NOMO1: variants seen among roughly 807,000 people sequenced by gnomAD.
The protein encoded by NOMO1 is NODAL modulator 1.
A neutral mutation model predicts 133.8 loss-of-function variants in NOMO1; 40 were observed. That is an observed-to-expected ratio of 0.30 (90% CI 0.23 to 0.39). The LOEUF (loss-of-function observed/expected upper bound fraction) is 0.39, where lower values mean the gene tolerates loss of function less well. Ranked by LOEUF, NOMO1 falls within the 10% of genes least tolerant of loss-of-function variation. The pLI, the probability that NOMO1 is intolerant of heterozygous loss-of-function variation, is 1.00. For synonymous variants in NOMO1, 236 were observed against 570.5 expected (o/e 0.41, Z 8.36); for missense variants, 462 against 1,419.9 (o/e 0.33, Z 10.84).
chr16:14,891,707 C>A (rs1964407899), intron 29 of NOMO1, among the ~76,000 whole-genome samples: 1 of 151,634 alleles, frequency 6.6e-6, no homozygotes, highest in African/African-American at 2.4e-5. Flanking sequence ...ACAGGAATTA[C>A]CTTTCATTTA....
chr16:14,886,647 T>C, intron 27 of NOMO1, 114 bp from the exon 28 acceptor site: 1 of 1,561,124 alleles, frequency 6.4e-7, no homozygotes, highest in Non-Finnish European at 8.8e-7. Context: ...CTTTTTCAAA[T>C]ATCCATGTTT....
intron 22 of NOMO1, among the ~76,000 whole-genome samples, chr16:14,877,564 G>C (rs1186524674): frequency 3.3e-5 from 5 of 151,918 alleles, no homozygotes; most frequent in Admixed American, 2.6e-4. Context: ...TCCTAAGATT[G>C]GTAAGAAAAA....
intron 11 of NOMO1, among the ~76,000 whole-genome samples, chr16:14,858,589 G>C (rs1159719950): frequency 2.6e-5 from 4 of 151,962 alleles, no homozygotes; most frequent in Admixed American, 2.6e-4. Flanking sequence ...TGAGGTGGCT[G>C]CGGGTGTAAA....
At position 14,853,942 on chromosome 16, in the gene NOMO1, G is replaced by A. The variant is rs371412306; in HGVS notation, c.879G>A (p.Pro293=). The change falls in exon 9 of 31, where the codon CCG becomes CCA. Residue 293 remains proline, a synonymous_variant. Coordinates refer to ENST00000287667, the MANE Select transcript of NOMO1 (RefSeq NM_014287.4). ...SLPSGGYTVI[P]FYRGERITFD... ...TAACAGACTCTTCCTTCCAGATTCC[G>A]TTCTATCGAGGGGAGAGGATTACCT... The A allele has an allele frequency of 9.4e-5, 152 of 1,610,482 alleles. No homozygotes were observed. Among genetic ancestry groups the A allele is most frequent in the African/African-American group, 2.6e-4 (19 of 73,972 alleles).
chr16:14,885,000 A>T (rs1434229430), intron 27 of NOMO1, among the ~76,000 whole-genome samples: 1 of 152,032 alleles, frequency 6.6e-6, no homozygotes, highest in Non-Finnish European at 1.5e-5. Context: ...GCTTCCAATC[A>T]TGGCAGAAGG....
chr16:14,835,476 A>C (rs556044247), intron 1 of NOMO1, among the ~76,000 whole-genome samples: 9 of 150,248 alleles, frequency 6.0e-5, no homozygotes, highest in African/African-American at 1.7e-4. Context: ...TGCAACTTGT[A>C]GTTTCCAGGG....
At chr16:14,883,203 T>C (rs1964270103) in intron 26 of NOMO1, among the ~76,000 whole-genome samples, 1 of 151,978 alleles carries the variant, frequency 6.6e-6, no homozygotes, top group African/African-American at 2.4e-5. Flanking sequence ...GTAACTCTCA[T>C]TGGGAAGACT....
chr16:14,870,962 C>G (rs1001324461), intron 16 of NOMO1, among the ~76,000 whole-genome samples: 1 of 146,582 alleles, frequency 6.8e-6, no homozygotes, highest in African/African-American at 2.5e-5. Context: ...ATGGTAACTA[C>G]TCTGGGGCTT....
intron 18 of NOMO1, 81 bp from the exon 19 acceptor site, chr16:14,874,955 A>C (rs1481488379): frequency 1.3e-6 from 2 of 1,549,454 alleles, no homozygotes; most frequent in Non-Finnish European, 1.8e-6. Context: ...TGTAACTCGC[A>C]AGTCCATACT....
chr16:14,884,978 A>G (rs183365276), intron 27 of NOMO1, among the ~76,000 whole-genome samples: 79 of 152,100 alleles, frequency 5.2e-4, no homozygotes, highest in African/African-American at 1.9e-3. Context: ...GCTTCTGGGG[A>G]GGCCTCAGGA....
rs192805171 is a variant in NOMO1, at chr16:14,867,629, C to T, written c.1807-919C>T. 4.7e-3 allele frequency among the ~76,000 whole-genome samples: 698 copies of T among 148,714 alleles called. 6 individuals are homozygous for T. Among genetic ancestry groups the T allele is most frequent in the Middle Eastern group, 0.01 (3 of 288 alleles). ...GTTTCAGGAGCACCTCCGTAGATCC[C>T]TTCGTGAATTTTCTATAATGTTTTG... On this transcript the variant is annotated intron_variant, in intron 15 of 30. Coordinates refer to ENST00000287667, the MANE Select transcript of NOMO1 (RefSeq NM_014287.4).
In NOMO1 at chr16:14,836,851, G is replaced by A. The variant is rs1418509362; in HGVS notation, c.166-1556G>A. On this transcript the variant is annotated intron_variant, in intron 1 of 30. Coordinates refer to ENST00000287667, the MANE Select transcript of NOMO1 (RefSeq NM_014287.4). Reference sequence around the variant, plus strand: ...CTCCCGAGTAGCTGGGACTACAGGCGCCCGCCACCGCGCCCGGCTAATTTT... The same window carrying A: ...CTCCCGAGTAGCTGGGACTACAGGCACCCGCCACCGCGCCCGGCTAATTTT... Among the ~76,000 whole-genome samples, 13 of 150,724 alleles carry A rather than the reference G, an allele frequency of 8.6e-5. 1 individual carries two copies. Among genetic ancestry groups the A allele is most frequent in the South Asian group, 2.1e-4 (1 of 4,734 alleles).
intron 3 of NOMO1, among the ~76,000 whole-genome samples, chr16:14,843,392 C>T (rs1194053162): frequency 1.3e-5 from 2 of 150,726 alleles, no homozygotes; most frequent in Non-Finnish European, 1.5e-5. Context: ...GGAGTAAAGT[C>T]GCTGAGCCAT....
At chr16:14,869,803 T>A (rs1964056404) in intron 16 of NOMO1, among the ~76,000 whole-genome samples, 1 of 150,838 alleles carries the variant, frequency 6.6e-6, no homozygotes, top group Non-Finnish European at 1.5e-5. Context: ...TGTTTAACCT[T>A]TTAAGAAACT....
At chr16:14,884,556 G>A (rs1264984259) in intron 27 of NOMO1, 74 bp downstream of exon 27, 2 of 1,607,206 alleles carry the variant, frequency 1.2e-6, no homozygotes, top group African/African-American at 1.3e-5. Flanking sequence ...GGATGTTTTT[G>A]GGTTTGTGCC....
At chr16:14,855,606 G>T (rs1461267661) in intron 9 of NOMO1, among the ~76,000 whole-genome samples, 1 of 151,908 alleles carries the variant, frequency 6.6e-6, no homozygotes, top group Non-Finnish European at 1.5e-5. Context: ...CTGTACACTG[G>T]AGGGGAAAGA....
chr16:14,875,277 C>G, intron 19 of NOMO1, 23 bp downstream of exon 19: 1 of 1,610,308 alleles, frequency 6.2e-7, no homozygotes, highest in Non-Finnish European at 8.5e-7. Flanking sequence ...GTGCGTTTCC[C>G]TACAGTGTCC....
chr16:14,884,497 T>A lies in NOMO1; in HGVS notation c.3222+15T>A, dbSNP rs1424583330. On this transcript the variant is annotated intron_variant, in intron 27 of 30. Coordinates refer to ENST00000287667, the MANE Select transcript of NOMO1 (RefSeq NM_014287.4). ...CTACATTATGGGTAAGTCCAGACTTTTAAGCTCCAAGTATTGTGTTCCCTT... is the reference window on the plus strand; with the variant it reads ...CTACATTATGGGTAAGTCCAGACTTATAAGCTCCAAGTATTGTGTTCCCTT... The A allele has an allele frequency of 6.2e-7, 1 of 1,611,518 alleles. No individual in the cohort carries two copies. The highest frequency in any genetic ancestry group is 8.5e-7 in the Non-Finnish European group (1 of 1,179,730).
chr16:14,893,583 A>G (rs1964436732), intron 29 of NOMO1, among the ~76,000 whole-genome samples: 1 of 151,958 alleles, frequency 6.6e-6, no homozygotes, highest in East Asian at 1.9e-4. Flanking sequence ...GTTGATGGAA[A>G]TCTGTTCCTG....
Sources: allele counts gnomAD v4.1 joint callset (sites outside exome capture counted in the v4.1 genomes callset), GRCh38; gene constraint gnomAD v4.1.1; transcripts MANE v1.5; gene names NCBI Gene and HGNC (gene_info 2026-07-23, HGNC 2026-07-21).